Variants in SGIP1 observed in about 807,000 individuals in gnomAD.
SGIP1 encodes the protein SH3-containing GRB2-like protein 3-interacting protein 1.
A neutral mutation model predicts 107.5 loss-of-function variants in SGIP1; 38 were observed. The observed-to-expected ratio is 0.35, with a 90% confidence interval of 0.27 to 0.46. The LOEUF (loss-of-function observed/expected upper bound fraction) is 0.46. Among genes scored for constraint, SGIP1 ranks in the 20% least tolerant of loss-of-function variants. The pLI is 1.00. For synonymous variants in SGIP1, 365 were observed against 366.1 expected (o/e 1.00, Z 0.03); for missense variants, 929 against 1,019.5 (o/e 0.91, Z 1.21).
chr1:66,609,107 C>G (rs991680715), intron 1 of SGIP1, among the ~76,000 whole-genome samples: 1 of 150,122 alleles, frequency 6.7e-6, no homozygotes, highest in African/African-American at 2.5e-5. Context: ...AATGTTCCAT[C>G]TGCAGTCAGG....
rs141094568 is a variant in SGIP1, at chr1:66,562,310, G to A, written c.10+27942G>A. Among the ~76,000 whole-genome samples, 1,379 of 152,064 alleles carry A rather than the reference G, an allele frequency of 9.1e-3. 7 individuals are homozygous for A. The highest frequency in any genetic ancestry group is 0.014 in the Non-Finnish European group (938 of 67,932). On this transcript the variant is annotated intron_variant, in intron 1 of 24. Transcript: ENST00000371037. ...TTTCCAAATGCAATAGATATTAGAGGAAATTTTAAAAGAAGAATATTTGCT... is the reference window on the plus strand; with the variant it reads ...TTTCCAAATGCAATAGATATTAGAGAAAATTTTAAAAGAAGAATATTTGCT...
At chr1:66,586,082 T>C (rs757762789) in intron 1 of SGIP1, among the ~76,000 whole-genome samples, 1 of 152,200 alleles carries the variant, frequency 6.6e-6, no homozygotes, top group Non-Finnish European at 1.5e-5. Context: ...GTCTCTTTTA[T>C]CATTATATAA....
intron 7 of SGIP1, 23 bp from the exon 8 acceptor site, chr1:66,660,490 C>T (rs772503846): frequency 1.2e-6 from 2 of 1,606,674 alleles, no homozygotes; most frequent in Non-Finnish European, 1.7e-6. Flanking sequence ...CTTTATTCTT[C>T]CTCCCCATGC....
At chr1:66,636,131 T>C in intron 4 of SGIP1, 116 bp downstream of exon 4, 1 of 933,624 alleles carries the variant, frequency 1.1e-6, no homozygotes, top group Non-Finnish European at 1.6e-6. Context: ...TTAAGAAAAC[T>C]CTTAGGTATT....
intron 1 of SGIP1, among the ~76,000 whole-genome samples, chr1:66,542,528 C>T (rs1025085017): frequency 5.9e-5 from 9 of 152,020 alleles, no homozygotes; most frequent in Non-Finnish European, 8.8e-5. Flanking sequence ...ATGACTGAGA[C>T]GACTACTAAG....
rs1291605502 is a variant in SGIP1 at position 66,729,165 on chromosome 1, A to G, written c.1743-99A>G. 7 of 1,361,524 alleles carry G rather than the reference A, an allele frequency of 5.1e-6. No homozygotes were observed. The East Asian group carries it at 7.0e-5, about 14-fold the overall frequency. 84.3% of individuals were successfully genotyped at this position (1,361,524 alleles called of 1,614,324 possible). On this transcript the variant is annotated intron_variant, in intron 19 of 24. Transcript: ENST00000371037. ...GAGCCTGCCTTTTATCTCTTCTGCT[A>G]TTTAACATTGCCTCATAAATTGTTT...
chr1:66,648,445 C>T (rs6695490), intron 7 of SGIP1, among the ~76,000 whole-genome samples: 9,454 of 152,166 alleles, frequency 0.062, 906 homozygotes, highest in African/African-American at 0.21. Flanking sequence ...GGACACAGAA[C>T]CATGGCATGT....
intron 1 of SGIP1, among the ~76,000 whole-genome samples, chr1:66,570,457 C>T (rs1248295552): frequency 1.3e-5 from 2 of 151,890 alleles, no homozygotes; most frequent in Non-Finnish European, 2.9e-5. Flanking sequence ...TTTCCTAAGG[C>T]ACTAATAGTC....
intron 9 of SGIP1, among the ~76,000 whole-genome samples, chr1:66,669,025 T>G (rs778797579): frequency 2.0e-5 from 3 of 152,244 alleles, no homozygotes; most frequent in Non-Finnish European, 4.4e-5. Context: ...ATCCAGCAGA[T>G]AGCAGGACTT....
At chr1:66,651,317 TC>T (rs2078699301) in intron 7 of SGIP1, among the ~76,000 whole-genome samples, 2 of 152,284 alleles carry the variant, frequency 1.3e-5, no homozygotes, top group South Asian at 4.1e-4. Flanking sequence ...ACTATTGATA[TC>T]CCCACTTTAC....
chr1:66,683,633 T>TA (rs2087334491), intron 15 of SGIP1, among the ~76,000 whole-genome samples: 1 of 151,702 alleles, frequency 6.6e-6, no homozygotes, highest in Non-Finnish European at 1.5e-5. Context: ...TTGGGAGCCT[T>TA]TATTTTGCAA....
chr1:66,721,861 T>C (rs1361263252), intron 19 of SGIP1, among the ~76,000 whole-genome samples: 1 of 152,180 alleles, frequency 6.6e-6, no homozygotes, highest in Non-Finnish European at 1.5e-5. Context: ...AGAGATCTAA[T>C]TGGTCTCCCT....
In SGIP1 at chr1:66,631,051, G is replaced by A. The variant is rs1247814749; in HGVS notation, c.75-2019G>A. Among the ~76,000 whole-genome samples the A allele has an allele frequency of 4.4e-5, 3 of 68,918 alleles. No individual in the cohort carries two copies. In the Admixed American group the frequency reaches 5.2e-4, roughly 12 times the overall value. 45.2% of individuals were successfully genotyped at this position (68,918 alleles called of 152,430 possible). On this transcript the variant is annotated intron_variant, in intron 2 of 24. Transcript: ENST00000371037. The stretch of plus-strand genomic sequence containing the variant: ...AGGAAGGAAGGAAGAAAGGAAGAAA[G>A]AAAGAAAGAAAGAAAGAAAGAAAGA...
intron 19 of SGIP1, 47 bp from the exon 20 acceptor site, chr1:66,729,217 T>C: frequency 1.2e-6 from 2 of 1,600,852 alleles, no homozygotes; most frequent in Non-Finnish European, 1.7e-6. Context: ...TTCAGTGTAT[T>C]GACATGGATT....
intron 15 of SGIP1, among the ~76,000 whole-genome samples, chr1:66,687,639 T>C (rs2088747471): frequency 6.6e-6 from 1 of 152,230 alleles, no homozygotes; most frequent in Non-Finnish European, 1.5e-5. Context: ...CAGTTTGAGC[T>C]ATATGACCTG....
chr1:66,639,949 G>C (rs1468999788), intron 5 of SGIP1, 116 bp downstream of exon 5: 1 of 788,652 alleles, frequency 1.3e-6, no homozygotes, highest in African/African-American at 1.8e-5. Context: ...TCATTAGGAA[G>C]TGTCTGGCAT....
chr1:66,695,255 T>TCAAAAAAAAA, intron 17 of SGIP1, 179 bp from the exon 18 acceptor site: 1 of 944,386 alleles, frequency 1.1e-6, no homozygotes, highest in South Asian at 3.6e-5. Context: ...TTTCCTGAAC[T>TCAAAAAAAAA]AAAAAAAAAA....
At chr1:66,676,870 C>T in intron 12 of SGIP1, 134 bp from the exon 13 acceptor site, 2 of 664,424 alleles carry the variant, frequency 3.0e-6, no homozygotes, top group Non-Finnish European at 5.1e-6. Flanking sequence ...GCAGCACATT[C>T]CTAAGTTAAT....
At chr1:66,646,636 C>T (rs141995716) in intron 7 of SGIP1, among the ~76,000 whole-genome samples, 119 of 151,984 alleles carry the variant, frequency 7.8e-4, no homozygotes, top group African/African-American at 2.7e-3. Flanking sequence ...GTCAAATTAA[C>T]GAATGAAATG....
Sources: gnomAD v4.1 joint callset for allele counts (sites outside exome capture counted in the v4.1 genomes callset) on GRCh38, gnomAD v4.1.1 for gene constraint, MANE v1.5 for transcripts, NCBI Gene and HGNC (gene_info 2026-07-23, HGNC 2026-07-21) for gene names.